ELF2: variants seen among roughly 807,000 people sequenced by gnomAD.
The protein encoded by ELF2 is E74 like ETS transcription factor 2, also known as ETS-related transcription factor Elf-2.
A neutral mutation model predicts 54.8 loss-of-function variants in ELF2; 11 were observed. The ratio of observed to expected loss-of-function variants is 0.20; its 90% CI spans 0.13 to 0.33. ELF2 has a LOEUF of 0.33. ELF2 is among the 10% of genes least tolerant of loss of function. The pLI, the probability that ELF2 is intolerant of heterozygous loss-of-function variation, is 1.00. For missense variants in ELF2, 513 were observed against 703.0 expected (o/e 0.73, Z 3.06); for synonymous variants, 203 against 245.1 (o/e 0.83, Z 1.61).
intron 4 of ELF2, among the ~76,000 whole-genome samples, chr4:139,083,241 C>A (rs982894689): frequency 1.3e-5 from 2 of 152,122 alleles, no homozygotes; most frequent in African/African-American, 4.8e-5. Context: ...GGCCAAGACT[C>A]CCTCCCTCCC....
chr4:139,143,130 C>T (rs1339801372), intron 1 of ELF2, among the ~76,000 whole-genome samples: 1 of 152,148 alleles, frequency 6.6e-6, no homozygotes, highest in Non-Finnish European at 1.5e-5. Context: ...AAGGCTTGAA[C>T]AATAAACTGT....
At chr4:139,162,441 G>T (rs1358070698) in intron 1 of ELF2, among the ~76,000 whole-genome samples, 1 of 151,844 alleles carries the variant, frequency 6.6e-6, no homozygotes, top group Non-Finnish European at 1.5e-5. Flanking sequence ...TGAGGAAGGA[G>T]AACTGCTTGA....
intron 4 of ELF2, among the ~76,000 whole-genome samples, chr4:139,114,642 C>T (rs199750699): frequency 7.3e-4 from 76 of 104,802 alleles, no homozygotes; most frequent in East Asian, 2.9e-3. Flanking sequence ...TTTTTTCTTT[C>T]TTTTTTTTTT....
At chr4:139,135,759 T>C (rs140575372) in intron 3 of ELF2, among the ~76,000 whole-genome samples, 22 of 152,314 alleles carry the variant, frequency 1.4e-4, no homozygotes, top group Admixed American at 5.2e-4. Flanking sequence ...ATTAAGGATA[T>C]AGTCTTCTTC....
intron 4 of ELF2, chr4:139,115,429 C>T (rs1735587416): frequency 2.0e-6 from 2 of 987,106 alleles, no homozygotes; most frequent in Non-Finnish European, 2.4e-6. Context: ...CCACCGCCTC[C>T]GGGACGCCCC....
intron 7 of ELF2, among the ~76,000 whole-genome samples, chr4:139,064,255 C>T (rs1728338387): frequency 6.6e-6 from 1 of 152,180 alleles, no homozygotes; most frequent in Admixed American, 6.5e-5. Context: ...TTGCAGTGAG[C>T]AGAGATCACG....
chr4:139,104,523 AAAAAG>A lies in ELF2; in HGVS notation c.238+20636_238+20640del, dbSNP rs1202376549. Among the ~76,000 whole-genome samples the A allele has an allele frequency of 2.4e-3, 361 of 150,628 alleles. 1 individual carries two copies. The highest frequency in any genetic ancestry group is 8.4e-3 in the African/African-American group (342 of 40,928). The stretch of plus-strand genomic sequence containing the variant: ...GACTCTGTCTCAAAAAAAAAAAAAA[AAAAAG>A]AAAAGAAAAGAAAAAATATAGGAAT... On this transcript the variant is annotated intron_variant, in intron 4 of 9. Coordinates refer to ENST00000686138, the MANE Select transcript of ELF2 (RefSeq NM_001331036.3).
intron 7 of ELF2, chr4:139,066,009 C>CAT (rs1400696043): frequency 9.5e-6 from 1 of 105,682 alleles, no homozygotes; most frequent in Non-Finnish European, 1.8e-5. Flanking sequence ...TCAATGTCAC[C>CAT]TTTTTTTTTT....
intron 6 of ELF2, among the ~76,000 whole-genome samples, chr4:139,070,008 T>A (rs1729286322): frequency 6.9e-6 from 1 of 144,844 alleles, no homozygotes; most frequent in South Asian, 2.2e-4. Flanking sequence ...ACCTGGCTAA[T>A]TTTTTTTTTT....
At chr4:139,120,613 A>AT (rs142833925) in intron 4 of ELF2, among the ~76,000 whole-genome samples, 44,535 of 150,406 alleles carry the variant, frequency 0.3, 6,683 homozygotes, top group Middle Eastern at 0.36. Context: ...TAATTTTTAA[A>AT]TTTTTTTTTT....
chr4:139,174,041 G>A (rs1742635990), intron 1 of ELF2, among the ~76,000 whole-genome samples: 1 of 149,402 alleles, frequency 6.7e-6, no homozygotes, highest in Non-Finnish European at 1.5e-5. Flanking sequence ...GGCTAACACG[G>A]TGAAACCCCA....
intron 8 of ELF2, among the ~76,000 whole-genome samples, 165 bp downstream of exon 8, chr4:139,061,700 A>C (rs1480186026): frequency 1.3e-5 from 2 of 152,218 alleles, no homozygotes; most frequent in East Asian, 3.8e-4. Flanking sequence ...AAGCACGTAG[A>C]CCAAACTCCT....
intron 3 of ELF2, among the ~76,000 whole-genome samples, chr4:139,135,730 C>A (rs1738082679): frequency 6.6e-6 from 1 of 152,130 alleles, no homozygotes; most frequent in African/African-American, 2.4e-5. Context: ...ACTCTGGGGC[C>A]ACACTACCTG....
chr4:139,143,735 G>A (rs571250271), intron 1 of ELF2, among the ~76,000 whole-genome samples: 26 of 152,136 alleles, frequency 1.7e-4, no homozygotes, highest in Non-Finnish European at 3.1e-4. Context: ...AGCCAAGATC[G>A]AGCCACTGCA....
intron 4 of ELF2, among the ~76,000 whole-genome samples, chr4:139,120,424 G>C (rs1736198314): frequency 2.0e-5 from 3 of 151,910 alleles, no homozygotes. Context: ...ATATCCAACT[G>C]AAATACTAAT....
chr4:139,175,740 A>G (rs1742839434), intron 1 of ELF2, among the ~76,000 whole-genome samples: 1 of 152,238 alleles, frequency 6.6e-6, no homozygotes, highest in Non-Finnish European at 1.5e-5. Flanking sequence ...CCGGATTACA[A>G]TTTAAACCAT....
intron 4 of ELF2, among the ~76,000 whole-genome samples, chr4:139,114,565 A>AGT (rs1553963879): frequency 4.9e-4 from 43 of 87,556 alleles, no homozygotes; most frequent in Admixed American, 1.6e-3. Context: ...TCAGTCTCAC[A>AGT]CACACACACA....
intron 4 of ELF2, among the ~76,000 whole-genome samples, chr4:139,091,254 C>T (rs1487780030): frequency 1.3e-5 from 2 of 151,946 alleles, no homozygotes; most frequent in African/African-American, 4.8e-5. Flanking sequence ...GTTAAAGAAC[C>T]CTTGGAATAA....
intron 4 of ELF2, among the ~76,000 whole-genome samples, chr4:139,095,276 C>T (rs989591727): frequency 6.6e-6 from 1 of 151,942 alleles, no homozygotes; most frequent in Non-Finnish European, 1.5e-5. Context: ...CCTCCACCTC[C>T]CAGATTCAAG....
Sources: allele counts gnomAD v4.1 joint callset (sites outside exome capture counted in the v4.1 genomes callset), GRCh38; gene constraint gnomAD v4.1.1; transcripts MANE v1.5; gene names NCBI Gene and HGNC (gene_info 2026-07-23, HGNC 2026-07-21).